The following TNKS variants were observed in gnomAD, a reference collection of about 807,000 sequenced individuals.
TNKS encodes the protein poly [ADP-ribose] polymerase tankyrase-1.
TNKS carries 72 observed loss-of-function variants against 135.8 expected under a neutral mutation model. The ratio of observed to expected loss-of-function variants is 0.53; its 90% confidence interval spans 0.44 to 0.64. The LOEUF (loss-of-function observed/expected upper bound fraction) is 0.64, where lower values mean the gene tolerates loss of function less well. Ranked by LOEUF, TNKS falls within the 30% of genes least tolerant of loss-of-function variation. TNKS has a pLI of 0.00. For missense variants in TNKS, 1,769 were observed against 1,674.0 expected (o/e 1.06, Z -0.99); for synonymous variants, 849 against 649.3 (o/e 1.31, Z -4.68).
chr8:9,659,119 C>A (rs1801570180), intron 3 of TNKS, among the ~76,000 whole-genome samples: 1 of 152,164 alleles, frequency 6.6e-6, no homozygotes, highest in Admixed American at 6.6e-5. Flanking sequence ...GACATAGACT[C>A]CCACACAATA....
chr8:9,574,308 T>G (rs1400044661), intron 1 of TNKS, among the ~76,000 whole-genome samples: 1 of 152,208 alleles, frequency 6.6e-6, no homozygotes, highest in African/African-American at 2.4e-5. Context: ...TGACCCTTCC[T>G]CAACTGGCGC....
chr8:9,673,654 C>A (rs1802406296), intron 3 of TNKS, among the ~76,000 whole-genome samples: 1 of 151,916 alleles, frequency 6.6e-6, no homozygotes, highest in South Asian at 2.1e-4. Context: ...CCATCTTGAC[C>A]AGGCTGGTAT....
At chr8:9,744,929 C>G (rs1306782129) in intron 17 of TNKS, among the ~76,000 whole-genome samples, 1 of 152,138 alleles carries the variant, frequency 6.6e-6, no homozygotes. Context: ...ACCAGATATA[C>G]AATTCATTTT....
chr8:9,586,988 A>T (rs1486958732), intron 2 of TNKS, among the ~76,000 whole-genome samples: 1 of 152,100 alleles, frequency 6.6e-6, no homozygotes, highest in Admixed American at 6.5e-5. Flanking sequence ...TGCTTTAAAA[A>T]CTTTTTATAA....
At chr8:9,649,221 A>G (rs1285390735) in intron 3 of TNKS, among the ~76,000 whole-genome samples, 1 of 152,230 alleles carries the variant, frequency 6.6e-6, no homozygotes. Context: ...TACTTGAACT[A>G]CCATAGGAAG....
intron 26 of TNKS, among the ~76,000 whole-genome samples, chr8:9,775,867 T>C (rs1278677920): frequency 6.6e-6 from 1 of 152,070 alleles, no homozygotes; most frequent in Non-Finnish European, 1.5e-5. Flanking sequence ...CGTCATGTTA[T>C]AGTTAGGGCT....
At chr8:9,672,709 C>CAA (rs1203663457) in intron 3 of TNKS, among the ~76,000 whole-genome samples, 123 of 91,806 alleles carry the variant, frequency 1.3e-3, no homozygotes, top group South Asian at 3.7e-3. Context: ...CACACACACA[C>CAA]ACAAAAAAAA....
Position 9,781,961 on chromosome 8 carries a change from A to C in TNKS, c.*5225A>C, listed in dbSNP as rs555833707. On this transcript the variant is annotated 3_prime_UTR_variant, in exon 27 of 27. Transcript: ENST00000310430. ...AATTTCAGAGAAACAATTTCACGTT[A>C]AGAATGTTTCATGCAATATTTGGCA... The C allele has an allele frequency of 7.2e-5, 11 of 152,632 alleles. No individual in the cohort carries two copies. The highest frequency in any genetic ancestry group is 2.6e-4 in the African/African-American group (11 of 41,572). 9.5% of individuals were successfully genotyped at this position (152,632 alleles called of 1,614,324 possible). A position where few individuals can be genotyped will look rare whatever the true frequency, so the allele number is the denominator to read the frequency against.
chr8:9,615,819 T>C, intron 3 of TNKS, 142 bp downstream of exon 3: 1 of 623,282 alleles, frequency 1.6e-6, no homozygotes, highest in East Asian at 2.9e-5. Flanking sequence ...TTATTATTGA[T>C]TTGATATCTG....
intron 20 of TNKS, among the ~76,000 whole-genome samples, chr8:9,759,492 A>G (rs190904335): frequency 1.1e-4 from 16 of 152,270 alleles, no homozygotes; most frequent in Non-Finnish European, 2.2e-4. Context: ...GTGACTTGCT[A>G]TCAGTCTTTT....
chr8:9,761,011 C>T (rs1394816292), intron 20 of TNKS, among the ~76,000 whole-genome samples: 2 of 152,124 alleles, frequency 1.3e-5, no homozygotes, highest in East Asian at 3.8e-4. Context: ...GAAGCCTGTC[C>T]CGGGCTTGAG....
chr8:9,617,887 G>A (rs527251946), intron 3 of TNKS, among the ~76,000 whole-genome samples: 6 of 150,776 alleles, frequency 4.0e-5, no homozygotes, highest in Admixed American at 1.3e-4. Context: ...GTATCTCATC[G>A]TTTTATGTTA....
chr8:9,581,408 C>T (rs1171304123), intron 2 of TNKS, among the ~76,000 whole-genome samples: 7 of 152,158 alleles, frequency 4.6e-5, no homozygotes, highest in Non-Finnish European at 5.9e-5. Context: ...TTGACATCTT[C>T]CAGTTTCAAC....
intron 20 of TNKS, among the ~76,000 whole-genome samples, chr8:9,753,556 G>A (rs1338807382): frequency 6.6e-6 from 1 of 152,158 alleles, no homozygotes; most frequent in Non-Finnish European, 1.5e-5. Context: ...ATAAGGAGTT[G>A]TAATATTGTA....
intron 2 of TNKS, among the ~76,000 whole-genome samples, chr8:9,589,319 G>A (rs891278040): frequency 8.5e-5 from 13 of 152,152 alleles, no homozygotes; most frequent in African/African-American, 2.9e-4. Context: ...GAAAGGTATT[G>A]TTTATAAACT....
At chr8:9,594,651 A>G (rs781335592) in intron 2 of TNKS, among the ~76,000 whole-genome samples, 6 of 152,192 alleles carry the variant, frequency 3.9e-5, no homozygotes, top group Admixed American at 6.5e-5. Context: ...ATATTTTTAT[A>G]TAATCTCATT....
intron 1 of TNKS, among the ~76,000 whole-genome samples, chr8:9,574,500 C>G (rs976575067): frequency 1.3e-5 from 2 of 152,178 alleles, no homozygotes; most frequent in African/African-American, 4.8e-5. Flanking sequence ...TTGCTCTTCA[C>G]TTGTCTGTTT....
chr8:9,761,729 G>T, intron 21 of TNKS, 93 bp downstream of exon 21: 2 of 1,323,250 alleles, frequency 1.5e-6, no homozygotes, highest in South Asian at 2.7e-5. Context: ...TCCAGTCCCA[G>T]AACCATACAC....
At chr8:9,724,007 G>T (rs1309272644) in intron 12 of TNKS, among the ~76,000 whole-genome samples, 1 of 152,106 alleles carries the variant, frequency 6.6e-6, no homozygotes, top group Non-Finnish European at 1.5e-5. Context: ...GTCTAATATT[G>T]ATCAAACTAC....
Sources: allele counts gnomAD v4.1 joint callset (sites outside exome capture counted in the v4.1 genomes callset), GRCh38; gene constraint gnomAD v4.1.1; transcripts MANE v1.5; gene names NCBI Gene and HGNC (gene_info 2026-07-23, HGNC 2026-07-21).